EHD4: variants seen among roughly 807,000 people sequenced by gnomAD.
EHD4 encodes the protein EH domain-containing protein 4.
In EHD4, 37 loss-of-function variants were observed where a neutral mutation model predicts 51.0. That is an observed-to-expected ratio of 0.73 (90% CI 0.56 to 0.95). The LOEUF is 0.95. EHD4 is among the 40% of genes least tolerant of loss of function. The pLI, the probability that EHD4 is intolerant of heterozygous loss-of-function variation, is 0.00. For synonymous variants in EHD4, 297 were observed against 317.3 expected, an observed-to-expected ratio of 0.94 and a Z score of 0.68; for missense variants, 632 against 733.1, an observed-to-expected ratio of 0.86 and a Z score of 1.59.
intron 4 of EHD4, among the ~76,000 whole-genome samples, chr15:41,915,789 T>C (rs987677837): frequency 2.6e-5 from 4 of 152,194 alleles, no homozygotes; most frequent in African/African-American, 9.7e-5. Context: ...TCTCAGAGTG[T>C]GAGCCGTCTT....
chr15:41,927,933 C>T (rs1348714773), intron 3 of EHD4, among the ~76,000 whole-genome samples: 1 of 152,142 alleles, frequency 6.6e-6, no homozygotes, highest in African/African-American at 2.4e-5. Flanking sequence ...AGCAATCTGG[C>T]AAGTTTAGTT....
At chr15:41,948,966 A>G (rs1436685020) in intron 2 of EHD4, among the ~76,000 whole-genome samples, 4 of 148,924 alleles carry the variant, frequency 2.7e-5, no homozygotes, top group African/African-American at 9.8e-5. Flanking sequence ...TTGAGGCTGC[A>G]GTGAGCTGTG....
At chr15:41,950,379 G>C (rs1364906662) in intron 2 of EHD4, among the ~76,000 whole-genome samples, 1 of 152,222 alleles carries the variant, frequency 6.6e-6, no homozygotes, top group Non-Finnish European at 1.5e-5. Context: ...CTGTCACAGG[G>C]AGATTCTGGT....
chr15:41,970,839 CT>C (rs1395418084), intron 1 of EHD4, among the ~76,000 whole-genome samples: 2 of 152,230 alleles, frequency 1.3e-5, no homozygotes, highest in Non-Finnish European at 2.9e-5. Context: ...GGCCATAACA[CT>C]TTATTATCCC....
Position 41,900,799 on chromosome 15 carries a change from G to A in EHD4, c.1472C>T (p.Ala491Val). Residue 491 changes from alanine to valine, a missense_variant, in exon 6 of 6, where the codon GCC (alanine) becomes GTC (valine). Transcript: ENST00000220325. This position sits in a 1 kb window ranked among gnomAD's most constrained non-coding sequence, Gnocchi z 4.8. ...AAGCATGCCGTCGCAGTCGCAGTCG[G>A]CCAGCTTCCAGATCTTGCCCAGGAC... ...NSVLGKIWKL[A>V]DCDCDGMLDE... 6.2e-7 allele frequency: 1 copy of A among 1,614,184 alleles called. No individual in the cohort carries two copies. Among genetic ancestry groups the A allele is most frequent in the Middle Eastern group, 1.6e-4 (1 of 6,062 alleles).
At chr15:41,912,089 C>G (rs1244667858) in intron 4 of EHD4, among the ~76,000 whole-genome samples, 1 of 152,204 alleles carries the variant, frequency 6.6e-6, no homozygotes, top group Non-Finnish European at 1.5e-5. Context: ...ATGGTGTTTG[C>G]TGGCTGATGA....
Position 41,919,270 on chromosome 15 carries a change from G to T in EHD4, c.864C>A (p.Leu288=). Residue 288 remains leucine, a synonymous_variant, in exon 4 of 6, where the codon CTC becomes CTA. Coordinates refer to ENST00000220325, the MANE Select transcript of EHD4 (RefSeq NM_139265.4). ...GCTTGCGCACCGCTGCCTTCTGGGG[G>T]AGGCTCTGGATGTCTCTAAAGAGGT... ...AQDLFRDIQS[L]PQKAAVRKLN... is the part of the protein sequence containing the mutation. The T allele has an allele frequency of 1.2e-6, 2 of 1,614,160 alleles. No homozygotes were observed. The highest frequency in any genetic ancestry group is 2.2e-5 in the South Asian group (2 of 91,080).
intron 3 of EHD4, among the ~76,000 whole-genome samples, chr15:41,929,375 G>T (rs774614373): frequency 2.0e-5 from 3 of 152,256 alleles, no homozygotes; most frequent in Non-Finnish European, 4.4e-5. Flanking sequence ...GGCAAGGGCG[G>T]GAGAGCCCCA....
chr15:41,920,002 C>G (rs1159517516), intron 3 of EHD4, among the ~76,000 whole-genome samples: 1 of 152,170 alleles, frequency 6.6e-6, no homozygotes, highest in Non-Finnish European at 1.5e-5. Context: ...GATCTTACTT[C>G]TGAAAAGTCT....
intron 5 of EHD4, 65 bp downstream of exon 5, chr15:41,909,634 C>G: frequency 1.3e-6 from 2 of 1,582,470 alleles, no homozygotes; most frequent in South Asian, 1.1e-5. Flanking sequence ...CTCCAGCAAA[C>G]AGCCAGACAA....
intron 3 of EHD4, among the ~76,000 whole-genome samples, chr15:41,926,413 C>G (rs953869455): frequency 2.0e-5 from 3 of 152,138 alleles, no homozygotes; most frequent in Non-Finnish European, 4.4e-5. Context: ...AGCTCCAGTT[C>G]CATGTGGGCA....
chr15:41,961,041 T>G (rs367591007), intron 1 of EHD4, among the ~76,000 whole-genome samples: 60 of 152,358 alleles, frequency 3.9e-4, no homozygotes, highest in African/African-American at 1.2e-3. Context: ...ATTGACATGT[T>G]ATCACCAGGA....
At chr15:41,942,881 T>C (rs2067783781) in intron 3 of EHD4, 186 bp downstream of exon 3, 1 of 549,950 alleles carries the variant, frequency 1.8e-6, no homozygotes, top group Non-Finnish European at 3.3e-6. Flanking sequence ...TCTCACAGAA[T>C]ATAAGCCTCT....
At chr15:41,961,943 T>C (rs1031439293) in intron 1 of EHD4, among the ~76,000 whole-genome samples, 18 of 152,266 alleles carry the variant, frequency 1.2e-4, no homozygotes, top group Admixed American at 2.6e-4. Context: ...TTGAGTCAAA[T>C]GACCAGATAT....
intron 3 of EHD4, among the ~76,000 whole-genome samples, chr15:41,935,126 T>C (rs2067723430): frequency 6.6e-6 from 1 of 152,216 alleles, no homozygotes. Flanking sequence ...CAGCTCCTCC[T>C]GCTGAAGAGC....
At chr15:41,946,696 A>G (rs2067817500) in intron 2 of EHD4, among the ~76,000 whole-genome samples, 1 of 152,194 alleles carries the variant, frequency 6.6e-6, no homozygotes, top group South Asian at 2.1e-4. Context: ...AGTGCACTAC[A>G]GCCTGTGCAA....
intron 3 of EHD4, chr15:41,928,574 A>G: frequency 6.6e-6 from 1 of 152,288 alleles, no homozygotes; most frequent in Admixed American, 6.5e-5. Flanking sequence ...AATATATATT[A>G]TTTTTATATC....
At chr15:41,933,014 T>C (rs2067708926) in intron 3 of EHD4, among the ~76,000 whole-genome samples, 1 of 152,204 alleles carries the variant, frequency 6.6e-6, no homozygotes. Flanking sequence ...ACACATGTTA[T>C]CTTCAAAACA....
intron 1 of EHD4, among the ~76,000 whole-genome samples, chr15:41,964,774 T>A (rs554813355): frequency 1.8e-3 from 254 of 143,448 alleles, no homozygotes; most frequent in East Asian, 7.5e-3. Flanking sequence ...AAAAAAAAAA[T>A]ATATATATAT....
Sources: gnomAD v4.1 joint callset for allele counts (sites outside exome capture counted in the v4.1 genomes callset) on GRCh38, gnomAD v4.1.1 for gene constraint, Gnocchi (gnomAD v3.1) non-coding constraint, MANE v1.5 for transcripts, NCBI Gene and HGNC (gene_info 2026-07-23, HGNC 2026-07-21) for gene names.